The following LRRC42 variants were observed in gnomAD, a reference collection of about 807,000 sequenced individuals.
LRRC42 encodes the protein leucine rich repeat containing 42.
A neutral mutation model predicts 44.3 loss-of-function variants in LRRC42; 43 were observed. That is an observed-to-expected ratio of 0.97 (90% CI 0.76 to 1.25). The LOEUF is 1.25. Ranked by LOEUF, LRRC42 falls within the 50% of genes most tolerant of loss-of-function variation. The pLI is 0.00. For synonymous variants in LRRC42, 207 were observed against 195.2 expected (o/e 1.06, Z -0.50); for missense variants, 540 against 509.1 (o/e 1.06, Z -0.58).
intron 4 of LRRC42, among the ~76,000 whole-genome samples, chr1:53,958,785 C>T (rs980859803): frequency 5.3e-5 from 8 of 151,928 alleles, no homozygotes; most frequent in East Asian, 3.9e-4. Flanking sequence ...GGGGTTTCTC[C>T]GTGTTGGTCA....
chr1:53,962,339 T>C lies in LRRC42; in HGVS notation c.857T>C (p.Leu286Pro), dbSNP rs759136220. The change falls in exon 7 of 9, where the codon CTT becomes CCT. Residue 286 changes from leucine to proline, a missense_variant. Transcript: ENST00000371370. Reference sequence around the variant, plus strand: ...CACAAGCTCCAGACCCACATAGGCCTTGTTCACTCCAAAGTGCCTTTGAAG... The same window carrying C: ...CACAAGCTCCAGACCCACATAGGCCCTGTTCACTCCAAAGTGCCTTTGAAG... The part of the protein sequence containing the change: ...VKHKLQTHIG[L>P]VHSKVPLKEF... 2.5e-6 allele frequency: 4 copies of C among 1,614,066 alleles called. No individual in the cohort carries two copies. The African/African-American group carries it at 5.3e-5, about 22-fold the overall frequency.
intron 4 of LRRC42, 120 bp downstream of exon 4, chr1:53,958,400 T>C (rs1318783376): frequency 4.0e-5 from 52 of 1,313,244 alleles, no homozygotes; most frequent in Non-Finnish European, 5.4e-5. Flanking sequence ...TGCTTTTTTT[T>C]CCTAAAACAT....
rs779389556 is a variant in LRRC42, at chr1:53,962,032, A to G, written c.725-2A>G. The G allele has an allele frequency of 1.2e-6, 2 of 1,605,800 alleles. No individual in the cohort carries two copies. Among genetic ancestry groups the G allele is most frequent in the East Asian group, 2.2e-5 (1 of 44,822 alleles). On this transcript the variant is annotated splice_acceptor_variant, in intron 5 of 8. Coordinates refer to ENST00000371370, the MANE Select transcript of LRRC42 (RefSeq NM_001256409.2). LOFTEE classifies it high-confidence loss of function. Reference sequence around the variant, plus strand: ...GAATGCTACGTTGTTTTTGACATCTAGGTAACCCTGAGATCACAGATGCAG... The same window carrying G: ...GAATGCTACGTTGTTTTTGACATCTGGGTAACCCTGAGATCACAGATGCAG...
chr1:53,946,619 T>C (rs1263335513), intron 1 of LRRC42, 70 bp downstream of exon 1: 4 of 79,672 alleles, frequency 5.0e-5, no homozygotes, highest in Non-Finnish European at 8.6e-5. Context: ...GGCGGGGTGT[T>C]AGGGAGGGGC....
chr1:53,960,237 A>C, intron 4 of LRRC42, 119 bp from the exon 5 acceptor site: 1 of 711,968 alleles, frequency 1.4e-6, no homozygotes. Context: ...TTGGGTATGA[A>C]ATAGCAAGAG....
intron 7 of LRRC42, among the ~76,000 whole-genome samples, chr1:53,963,954 C>A (rs1264200173): frequency 8.1e-6 from 1 of 123,026 alleles, no homozygotes; most frequent in African/African-American, 2.9e-5. Context: ...CCCACCCCCC[C>A]CCCATCTTCA....
chr1:53,962,133 T>G lies in LRRC42; in HGVS notation c.813+11T>G, dbSNP rs766381583. Reference sequence around the variant, plus strand: ...GGGACAGGGCTCAAGGTAAGACTTTTGGTTCCTTCTCTCATTTTTCTAGAC... The same window carrying G: ...GGGACAGGGCTCAAGGTAAGACTTTGGGTTCCTTCTCTCATTTTTCTAGAC... On this transcript the variant is annotated intron_variant, in intron 6 of 8. Coordinates refer to ENST00000371370, the MANE Select transcript of LRRC42 (RefSeq NM_001256409.2). The G allele has an allele frequency of 2.2e-5, 35 of 1,603,484 alleles. No homozygotes were observed. Among genetic ancestry groups the G allele is most frequent in the Non-Finnish European group, 3.0e-5 (35 of 1,172,220 alleles).
chr1:53,949,506 G>A (rs1292973511), intron 2 of LRRC42, among the ~76,000 whole-genome samples: 1 of 152,220 alleles, frequency 6.6e-6, no homozygotes, highest in African/African-American at 2.4e-5. Flanking sequence ...TACAAGTAGA[G>A]TGGAGCTCTG....
rs754423376 is a variant in LRRC42, at chr1:53,960,339, G to A, written c.606-17G>A. The A allele has an allele frequency of 2.1e-5, 32 of 1,544,300 alleles. No individual in the cohort carries two copies. Among genetic ancestry groups the A allele is most frequent in the South Asian group, 3.5e-5 (3 of 86,462 alleles). On this transcript the variant is annotated splice_polypyrimidine_tract_variant and intron_variant, in intron 4 of 8. Coordinates refer to ENST00000371370, the MANE Select transcript of LRRC42 (RefSeq NM_001256409.2). ...AACTCTCTTTGAGTAATTTATGTAT[G>A]TACTTTGTTTCCCTAGTGTAACTCA...
At position 53,960,415 on chromosome 1, in the gene LRRC42, C is replaced by T. The variant is rs2100927804; in HGVS notation, c.665C>T (p.Thr222Ile). ...TCTGATGCTGGGGTGCGGAAGATGACAGCACCAGTTCGAGTGATGAAAAGA... is the reference window on the plus strand; with the variant it reads ...TCTGATGCTGGGGTGCGGAAGATGATAGCACCAGTTCGAGTGATGAAAAGA... ...CLSDAGVRKM[T>I]APVRVMKRGL... Residue 222 changes from threonine to isoleucine, a missense_variant, in exon 5 of 9, where the codon ACA becomes ATA. By Grantham distance (89) the Thr-to-Ile change is moderately conservative. Transcript: ENST00000371370. The T allele has an allele frequency of 1.7e-5, 28 of 1,614,056 alleles. No individual in the cohort carries two copies. Among genetic ancestry groups the T allele is most frequent in the Non-Finnish European group, 2.4e-5 (28 of 1,180,002 alleles).
At chr1:53,949,716 AG>A (rs1654620533) in intron 2 of LRRC42, among the ~76,000 whole-genome samples, 1 of 152,210 alleles carries the variant, frequency 6.6e-6, no homozygotes, top group Non-Finnish European at 1.5e-5. Context: ...GCACTGTGAC[AG>A]GATTTTTTTC....
At chr1:53,962,460 C>A in intron 7 of LRRC42, 51 bp downstream of exon 7, 1 of 1,117,296 alleles carries the variant, frequency 9.0e-7, no homozygotes, top group Non-Finnish European at 1.4e-6. Flanking sequence ...CATCTTAATT[C>A]CAAGTGTCTT....
intron 3 of LRRC42, among the ~76,000 whole-genome samples, chr1:53,954,472 G>A (rs1254450726): frequency 2.6e-5 from 4 of 152,134 alleles, no homozygotes; most frequent in African/African-American, 9.7e-5. Context: ...TTGTAGAAAA[G>A]TTAGAACAAT....
At chr1:53,954,822 T>C (rs952072073) in intron 3 of LRRC42, among the ~76,000 whole-genome samples, 1 of 152,240 alleles carries the variant, frequency 6.6e-6, no homozygotes, top group Non-Finnish European at 1.5e-5. Flanking sequence ...GTAGCATTTC[T>C]GGAAGCAGTT....
intron 3 of LRRC42, among the ~76,000 whole-genome samples, chr1:53,954,748 A>G (rs972010184): frequency 1.3e-5 from 2 of 152,228 alleles, no homozygotes; most frequent in African/African-American, 4.8e-5. Flanking sequence ...TTGTAGTGGT[A>G]GATTGGTCAG....
Position 53,952,030 on chromosome 1 carries a change from C to T in LRRC42, c.31C>T (p.Leu11=). The T allele has an allele frequency of 2.5e-6, 4 of 1,614,072 alleles. No homozygotes were observed. The highest frequency in any genetic ancestry group is 3.4e-6 in the Non-Finnish European group (4 of 1,180,010). MSYYLSSENH[L]DPGPIYMREN... is the part of the protein sequence containing the mutation. ...TTACTACCTCAGCTCAGAAAACCAC[C>T]TGGACCCAGGGCCCATCTACATGCG... Residue 11 remains leucine (L), a synonymous_variant, in exon 3 of 9, where the codon CTG becomes TTG. Transcript: ENST00000371370.
chr1:53,957,267 AGGTGGATGAGAGAGGCCT>A (rs1234284898), intron 3 of LRRC42, among the ~76,000 whole-genome samples: 1 of 152,228 alleles, frequency 6.6e-6, no homozygotes, highest in African/African-American at 2.4e-5. Context: ...TTCAAGAGGA[AGGTGGATGAGAGAGGCCT>A]GCTCTTGCCA....
chr1:53,963,984 A>G (rs1056449693), intron 7 of LRRC42, among the ~76,000 whole-genome samples: 1 of 108,464 alleles, frequency 9.2e-6, no homozygotes, highest in Non-Finnish European at 1.7e-5. Flanking sequence ...TTTGTTGGCT[A>G]TCTGCTTTCT....
chr1:53,965,703 C>T (rs1471057789), intron 7 of LRRC42, among the ~76,000 whole-genome samples: 1 of 151,206 alleles, frequency 6.6e-6, no homozygotes, highest in African/African-American at 2.4e-5. Context: ...TCTCGATCTC[C>T]TGACCTCGTG....
Sources: allele counts gnomAD v4.1 joint callset (sites outside exome capture counted in the v4.1 genomes callset), GRCh38; gene constraint gnomAD v4.1.1; transcripts MANE v1.5; gene names NCBI Gene and HGNC (gene_info 2026-07-23, HGNC 2026-07-21).